ARMH4: variants seen among roughly 807,000 people sequenced by gnomAD.
The protein encoded by ARMH4 is armadillo-like helical domain-containing protein 4.
A neutral mutation model predicts 61.9 loss-of-function variants in ARMH4; 49 were observed. The observed-to-expected ratio is 0.79, with a 90% CI of 0.63 to 1.00. The LOEUF is 1.00. Among genes scored for constraint, ARMH4 ranks in the 50% least tolerant of loss-of-function variants. The probability of loss-of-function intolerance (pLI) is 0.00; values close to 1 mark genes in which losing one functional copy is unlikely to be tolerated. For synonymous variants in ARMH4, 368 were observed against 341.5 expected (o/e 1.08, Z -0.85); for missense variants, 934 against 930.0 (o/e 1.00, Z -0.06).
At chr14:58,146,571 CAGTG>C (rs1219870789) in intron 1 of ARMH4, among the ~76,000 whole-genome samples, 19 of 152,194 alleles carry the variant, frequency 1.2e-4, no homozygotes, top group African/African-American at 4.6e-4. Flanking sequence ...TTTCTGCCAC[CAGTG>C]AGCAAGATAA....
chr14:58,070,844 C>T (rs966916162), intron 5 of ARMH4, among the ~76,000 whole-genome samples: 2 of 152,000 alleles, frequency 1.3e-5, no homozygotes, highest in Non-Finnish European at 2.9e-5. Flanking sequence ...ATTAACCATC[C>T]CCAGCTCCCT....
Position 58,086,439 on chromosome 14 carries a change from G to C in ARMH4, c.2089+10285C>G, listed in dbSNP as rs79677341. On this transcript the variant is annotated intron_variant, in intron 5 of 7. Coordinates refer to ENST00000267485, the MANE Select transcript of ARMH4 (RefSeq NM_001001872.4). ...GAACCAGCAAAAATAACAATGAGGT[G>C]AAGCTCTACCTGCCATATGATAGCT... Among the ~76,000 whole-genome samples, 211 of 152,238 alleles carry C rather than the reference G, an allele frequency of 1.4e-3. 3 individuals are homozygous for C. The East Asian group carries it at 0.028, about 20-fold the overall frequency.
chr14:58,037,246 G>A (rs1465951168), intron 5 of ARMH4, among the ~76,000 whole-genome samples: 1 of 18,044 alleles, frequency 5.5e-5, no homozygotes. Flanking sequence ...AAATAACGCC[G>A]CATATCTACA....
chr14:58,144,453 G>T (rs1038334274), intron 1 of ARMH4, among the ~76,000 whole-genome samples: 2 of 152,286 alleles, frequency 1.3e-5, no homozygotes, highest in East Asian at 3.9e-4. Context: ...GCTGAGGTGG[G>T]AGAATCACTT....
At chr14:58,059,913 G>A (rs1884475577) in intron 5 of ARMH4, among the ~76,000 whole-genome samples, 1 of 152,140 alleles carries the variant, frequency 6.6e-6, no homozygotes, top group Non-Finnish European at 1.5e-5. Flanking sequence ...TACAGCTCCA[G>A]ATTTCAAGCA....
chr14:58,115,667 C>T (rs1044506197), intron 4 of ARMH4, among the ~76,000 whole-genome samples: 3 of 152,150 alleles, frequency 2.0e-5, no homozygotes, highest in Non-Finnish European at 2.9e-5. Context: ...AGGTAATCAA[C>T]GAAGATGCCC....
intron 4 of ARMH4, among the ~76,000 whole-genome samples, chr14:58,120,292 C>T (rs1208312027): frequency 1.3e-5 from 2 of 152,012 alleles, no homozygotes; most frequent in Non-Finnish European, 2.9e-5. Context: ...ACCAAAACTT[C>T]ATTATACAGC....
rs12433795 is a variant in ARMH4, at chr14:58,048,072, C to A, written c.2090-35922G>T. Among the ~76,000 whole-genome samples, 179 of 152,250 alleles carry A rather than the reference C, an allele frequency of 1.2e-3. 4 individuals carry two copies. Among genetic ancestry groups the A allele is most frequent in the East Asian group, 0.011 (55 of 5,184 alleles). On this transcript the variant is annotated intron_variant, in intron 5 of 7. Coordinates refer to ENST00000267485, the MANE Select transcript of ARMH4 (RefSeq NM_001001872.4). Reference sequence around the variant, plus strand: ...AACTGTTAAAGTTACCAATTTAGCTCCAGTGGAATCCTGCAAAAAGGAATT... The same window carrying A: ...AACTGTTAAAGTTACCAATTTAGCTACAGTGGAATCCTGCAAAAAGGAATT...
chr14:58,061,973 T>C (rs1171875532), intron 5 of ARMH4, among the ~76,000 whole-genome samples: 1 of 129,118 alleles, frequency 7.7e-6, no homozygotes, highest in East Asian at 2.0e-4. Context: ...ACCCATTTTA[T>C]CTTTAAAAAA....
chr14:58,038,340 G>T (rs899683952), intron 5 of ARMH4, among the ~76,000 whole-genome samples: 1 of 105,630 alleles, frequency 9.5e-6, no homozygotes, highest in African/African-American at 3.5e-5. Flanking sequence ...CTCATAGGTG[G>T]GAATTGAACA....
chr14:58,030,723 T>C lies in ARMH4; in HGVS notation c.2090-18573A>G, dbSNP rs115455146. ...AGTGGAATTATATAGTATTTGTCTT[T>C]TGGGGATGGGCTTGTTTCACTTAGA... On this transcript the variant is annotated intron_variant, in intron 5 of 7. Coordinates refer to ENST00000267485, the MANE Select transcript of ARMH4 (RefSeq NM_001001872.4). Among the ~76,000 whole-genome samples, 689 of 152,378 alleles carry C rather than the reference T, an allele frequency of 4.5e-3. 2 individuals carry two copies. Among genetic ancestry groups the C allele is most frequent in the African/African-American group, 0.016 (655 of 41,592 alleles).
At chr14:58,046,209 T>A (rs1450784624) in intron 5 of ARMH4, among the ~76,000 whole-genome samples, 7 of 152,156 alleles carry the variant, frequency 4.6e-5, no homozygotes, top group Non-Finnish European at 7.3e-5. Flanking sequence ...ATGGACCAGG[T>A]TTCACAGGGC....
At chr14:58,098,770 T>C (rs558799997) in intron 4 of ARMH4, among the ~76,000 whole-genome samples, 1 of 148,482 alleles carries the variant, frequency 6.7e-6, no homozygotes, top group East Asian at 2.0e-4. Context: ...AGGGGCCAGA[T>C]CTGACTTTTT....
At chr14:58,063,094 TC>T (rs1884584292) in intron 5 of ARMH4, among the ~76,000 whole-genome samples, 1 of 152,168 alleles carries the variant, frequency 6.6e-6, no homozygotes, top group Non-Finnish European at 1.5e-5. Context: ...GGAGGGTCCT[TC>T]CTTGTCTCTT....
intron 5 of ARMH4, among the ~76,000 whole-genome samples, chr14:58,032,125 T>A (rs1030714144): frequency 2.0e-5 from 3 of 152,092 alleles, no homozygotes; most frequent in Admixed American, 1.3e-4. Context: ...AAAGGGCCCT[T>A]CGTCGGAGAG....
In ARMH4 at chr14:58,133,144, T is replaced by C. The variant is rs1887178006; in HGVS notation, c.1567A>G (p.Thr523Ala). ...AAAGGGACGACTGTAGTTGAAATTGTAGTGGCCAGAGGCTCCCATCTTCTT... is the reference window on the plus strand; with the variant it reads ...AAAGGGACGACTGTAGTTGAAATTGCAGTGGCCAGAGGCTCCCATCTTCTT... The part of the protein sequence containing the change: ...LSRRWEPLAT[T>A]ISTTVVPLSF... The change falls in exon 3 of 8, where the codon ACA becomes GCA. Residue 523 changes from threonine (T) to alanine (A), a missense_variant. Transcript: ENST00000267485. The C allele has an allele frequency of 1.9e-6, 3 of 1,614,150 alleles. No homozygotes were observed. Among genetic ancestry groups the C allele is most frequent in the Middle Eastern group, 1.6e-4 (1 of 6,062 alleles).
At chr14:58,070,459 G>C (rs1884848471) in intron 5 of ARMH4, among the ~76,000 whole-genome samples, 1 of 152,156 alleles carries the variant, frequency 6.6e-6, no homozygotes, top group Non-Finnish European at 1.5e-5. Context: ...TAATAGCAAG[G>C]CTAGAGCAAT....
intron 4 of ARMH4, among the ~76,000 whole-genome samples, chr14:58,125,533 A>G (rs1342680404): frequency 6.6e-6 from 1 of 152,172 alleles, no homozygotes; most frequent in African/African-American, 2.4e-5. Context: ...CAATCCCTGT[A>G]TCTTTAATCT....
rs1881971981 is a variant in ARMH4 at position 58,001,191 on chromosome 14, T to A, written c.*3545A>T. On this transcript the variant is annotated 3_prime_UTR_variant, in exon 8 of 8. Transcript: ENST00000267485. ...TATTGTCACAATGACAGAATTTCCT[T>A]ATTTCCTATGGCTGAATAATATTCT... is the stretch of plus-strand genomic sequence containing the variant. 1 of 152,224 alleles carries A rather than the reference T, an allele frequency of 6.6e-6. No homozygotes were observed. Among genetic ancestry groups the A allele is most frequent in the Non-Finnish European group, 1.5e-5 (1 of 68,028 alleles). 9.4% of individuals were successfully genotyped at this position (152,224 alleles called of 1,614,324 possible).
Sources: allele counts gnomAD v4.1 joint callset (sites outside exome capture counted in the v4.1 genomes callset), GRCh38; gene constraint gnomAD v4.1.1; transcripts MANE v1.5; gene names NCBI Gene and HGNC (gene_info 2026-07-23, HGNC 2026-07-21).